Variants in EPHA3 observed in about 807,000 individuals in gnomAD.
EPHA3 encodes the protein EPH receptor A3.
EPHA3 carries 42 observed loss-of-function variants against 107.1 expected under a neutral mutation model. The ratio of observed to expected loss-of-function variants is 0.39; its 90% CI spans 0.31 to 0.51. EPHA3 has a LOEUF of 0.51. EPHA3 is among the 20% of genes least tolerant of loss of function. The pLI is 0.78. For missense variants in EPHA3, 1,183 were observed against 1,211.2 expected (o/e 0.98, Z 0.35); for synonymous variants, 461 against 424.8 (o/e 1.09, Z -1.05).
intron 2 of EPHA3, among the ~76,000 whole-genome samples, chr3:89,191,732 T>G (rs1158402018): frequency 2.6e-5 from 4 of 152,166 alleles, no homozygotes; most frequent in Admixed American, 2.6e-4. Flanking sequence ...AAATGACTGA[T>G]TCATTTGTTT....
intron 13 of EPHA3, among the ~76,000 whole-genome samples, chr3:89,434,912 A>G (rs546236810): frequency 6.6e-6 from 1 of 152,230 alleles, no homozygotes; most frequent in Non-Finnish European, 1.5e-5. Context: ...CTCCCTCAAA[A>G]TATCCATGGG....
intron 1 of EPHA3, among the ~76,000 whole-genome samples, chr3:89,111,776 TA>T (rs1707116084): frequency 1.3e-5 from 2 of 152,100 alleles, no homozygotes; most frequent in Admixed American, 6.5e-5. Flanking sequence ...GACTAGTATC[TA>T]TAATAATAAT....
chr3:89,107,918 C>A, intron 1 of EPHA3, 82 bp downstream of exon 1: 1 of 1,399,282 alleles, frequency 7.1e-7, no homozygotes, highest in Non-Finnish European at 1.0e-6. Context: ...AAGCCTTGCA[C>A]GTCGGGAAGG....
At chr3:89,125,217 C>A (rs1253166972) in intron 1 of EPHA3, among the ~76,000 whole-genome samples, 2 of 151,740 alleles carry the variant, frequency 1.3e-5, no homozygotes, top group Admixed American at 6.6e-5. Flanking sequence ...GCCATTTAAA[C>A]CCCTAAGGAC....
At chr3:89,378,204 A>G (rs755650299) in intron 5 of EPHA3, among the ~76,000 whole-genome samples, 2 of 152,006 alleles carry the variant, frequency 1.3e-5, no homozygotes, top group Non-Finnish European at 2.9e-5. Context: ...TAGCACGTGT[A>G]TACCTATGCA....
chr3:89,413,172 C>T lies in EPHA3; in HGVS notation c.1794C>T (p.Asp598=), dbSNP rs764484971. The change falls in exon 10 of 17, where the codon GAC becomes GAT. Residue 598 remains aspartate, a synonymous_variant. Transcript: ENST00000336596. The part of the protein sequence containing the change: ...LKLPGLRTYV[D]PHTYEDPTQA... ...TTCCAGGTCTCAGGACTTATGTTGACCCACATACATATGAAGACCCTACCC... is the reference window on the plus strand; with the variant it reads ...TTCCAGGTCTCAGGACTTATGTTGATCCACATACATATGAAGACCCTACCC... The T allele has an allele frequency of 1.3e-5, 21 of 1,611,632 alleles. 1 individual carries two copies. The East Asian group carries it at 4.7e-4, about 36-fold the overall frequency.
chr3:89,334,131 CAT>C (rs1707347841), intron 3 of EPHA3, among the ~76,000 whole-genome samples: 2 of 152,090 alleles, frequency 1.3e-5, no homozygotes, highest in African/African-American at 4.8e-5. Context: ...ACTATCATAA[CAT>C]ATAGTTTTAT....
intron 2 of EPHA3, among the ~76,000 whole-genome samples, chr3:89,185,986 T>C (rs1403927590): frequency 6.6e-6 from 1 of 151,978 alleles, no homozygotes; most frequent in Non-Finnish European, 1.5e-5. Flanking sequence ...TTTTTTTCTT[T>C]CTTCCTTCTT....
intron 1 of EPHA3, among the ~76,000 whole-genome samples, chr3:89,112,031 TA>T (rs1707121536): frequency 6.6e-6 from 1 of 152,064 alleles, no homozygotes; most frequent in Non-Finnish European, 1.5e-5. Flanking sequence ...ATTTTAAGGT[TA>T]AAAGTTAGTT....
chr3:89,181,791 C>T (rs1317811995), intron 2 of EPHA3, among the ~76,000 whole-genome samples: 2 of 151,958 alleles, frequency 1.3e-5, no homozygotes, highest in African/African-American at 2.4e-5. Context: ...GGAGACGATA[C>T]AGATTGCATG....
At chr3:89,288,934 G>A (rs546796754) in intron 3 of EPHA3, among the ~76,000 whole-genome samples, 30 of 152,118 alleles carry the variant, frequency 2.0e-4, no homozygotes, top group African/African-American at 7.0e-4. Context: ...AATTCATATG[G>A]ATAACAAAAT....
At chr3:89,177,296 T>C (rs1035369781) in intron 2 of EPHA3, among the ~76,000 whole-genome samples, 3 of 152,208 alleles carry the variant, frequency 2.0e-5, no homozygotes, top group African/African-American at 7.2e-5. Flanking sequence ...CTGGGTGTTG[T>C]GCATGCCTTG....
chr3:89,388,191 A>G (rs1297304461), intron 5 of EPHA3, among the ~76,000 whole-genome samples: 1 of 152,150 alleles, frequency 6.6e-6, no homozygotes, highest in African/African-American at 2.4e-5. Flanking sequence ...CACGGGCTAA[A>G]TAGAACTTAT....
intron 3 of EPHA3, among the ~76,000 whole-genome samples, chr3:89,266,011 G>A (rs560117589): frequency 2.2e-4 from 33 of 152,062 alleles, no homozygotes; most frequent in East Asian, 7.7e-4. Context: ...CCAGTCTGGC[G>A]GACACTACCA....
At chr3:89,448,534 A>G (rs1214455189) in intron 13 of EPHA3, among the ~76,000 whole-genome samples, 1 of 152,162 alleles carries the variant, frequency 6.6e-6, no homozygotes, top group East Asian at 1.9e-4. Context: ...TATATCTCCC[A>G]TAACTTATAA....
intron 10 of EPHA3, among the ~76,000 whole-genome samples, chr3:89,416,773 A>G (rs1308501191): frequency 6.6e-6 from 1 of 151,468 alleles, no homozygotes; most frequent in Non-Finnish European, 1.5e-5. Context: ...TCGAAGGTAA[A>G]TATATACATG....
Position 89,163,473 on chromosome 3 carries a change from A to AT in EPHA3, c.153+36206dup, listed in dbSNP as rs563146572. On this transcript the variant is annotated intron_variant, in intron 2 of 16. Transcript: ENST00000336596. ...TGCTTTATACTAACCTTTTTATCAT[A>AT]TTTTTTAATATTATTGATTTTATTA... 2.0e-5 allele frequency among the ~76,000 whole-genome samples: 3 copies of AT among 152,150 alleles called. No individual in the cohort carries two copies. In the South Asian group the frequency reaches 6.2e-4, roughly 32 times the overall value.
chr3:89,230,189 A>G (rs933057283), intron 3 of EPHA3, among the ~76,000 whole-genome samples: 1 of 152,080 alleles, frequency 6.6e-6, no homozygotes, highest in Non-Finnish European at 1.5e-5. Context: ...GCAGATCCCA[A>G]CTAGAAGGAA....
chr3:89,237,463 A>C (rs538347092), intron 3 of EPHA3, among the ~76,000 whole-genome samples: 12 of 152,366 alleles, frequency 7.9e-5, no homozygotes, highest in African/African-American at 2.9e-4. Flanking sequence ...CTGTGAATTT[A>C]GTTTCAATAG....
Sources: allele counts gnomAD v4.1 joint callset (sites outside exome capture counted in the v4.1 genomes callset), GRCh38; gene constraint gnomAD v4.1.1; transcripts MANE v1.5; gene names NCBI Gene and HGNC (gene_info 2026-07-23, HGNC 2026-07-21).